The following LRRC8C variants were observed in gnomAD, a reference collection of about 807,000 sequenced individuals.
The protein encoded by LRRC8C is volume-regulated anion channel subunit LRRC8C.
In LRRC8C, 20 loss-of-function variants were observed where a neutral mutation model predicts 55.3. That is an observed-to-expected ratio of 0.36 (90% CI 0.25 to 0.53). LRRC8C has a LOEUF of 0.53. Ranked by LOEUF, LRRC8C falls within the 20% of genes least tolerant of loss-of-function variation. The pLI, the probability that LRRC8C is intolerant of heterozygous loss-of-function variation, is 0.92. For missense variants in LRRC8C, 659 were observed against 951.4 expected, an observed-to-expected ratio of 0.69 and a Z score of 4.04; for synonymous variants, 376 against 360.7, an observed-to-expected ratio of 1.04 and a Z score of -0.48.
chr1:89,654,468 G>T (rs574681514), intron 1 of LRRC8C, among the ~76,000 whole-genome samples: 1 of 152,290 alleles, frequency 6.6e-6, no homozygotes, highest in African/African-American at 2.4e-5. Context: ...CAAGTTGGCA[G>T]CTGGATATTT....
intron 2 of LRRC8C, among the ~76,000 whole-genome samples, chr1:89,698,855 C>T (rs866641612): frequency 1.3e-5 from 2 of 152,088 alleles, no homozygotes; most frequent in Admixed American, 6.5e-5. Flanking sequence ...GTTTTTCTCT[C>T]ACTTTACTAT....
intron 1 of LRRC8C, among the ~76,000 whole-genome samples, chr1:89,637,828 A>T (rs547278681): frequency 5.3e-5 from 8 of 152,042 alleles, no homozygotes; most frequent in East Asian, 1.9e-4. Flanking sequence ...AAAACCTTAG[A>T]CTCTCTACTT....
intron 1 of LRRC8C, among the ~76,000 whole-genome samples, chr1:89,669,233 AT>A (rs778788403): frequency 5.9e-5 from 9 of 152,100 alleles, no homozygotes; most frequent in Middle Eastern, 3.2e-3. Flanking sequence ...AAGTAGTCAA[AT>A]TAATAAAATC....
intron 1 of LRRC8C, among the ~76,000 whole-genome samples, chr1:89,659,055 TTTTTTTTGTGTGTGTGTGTG>T (rs1366020830): frequency 9.0e-6 from 1 of 110,934 alleles, no homozygotes; most frequent in Non-Finnish European, 1.9e-5. Context: ...CAGGTTTTTT[TTTTTTTTGTGTGTGTGTGTG>T]TGTGTGTGTG....
At chr1:89,708,255 T>G (rs1658543557) in intron 2 of LRRC8C, among the ~76,000 whole-genome samples, 1 of 152,164 alleles carries the variant, frequency 6.6e-6, no homozygotes, top group Non-Finnish European at 1.5e-5. Context: ...CTGCTGGTGA[T>G]GCACTGAACC....
intron 1 of LRRC8C, among the ~76,000 whole-genome samples, chr1:89,670,635 A>G (rs1175938819): frequency 6.6e-6 from 1 of 152,206 alleles, no homozygotes; most frequent in East Asian, 1.9e-4. Context: ...GAAAATATTG[A>G]ATATATAGAA....
At chr1:89,672,689 T>C (rs1166627558) in intron 1 of LRRC8C, among the ~76,000 whole-genome samples, 1 of 152,188 alleles carries the variant, frequency 6.6e-6, no homozygotes, top group African/African-American at 2.4e-5. Context: ...TTTCTCACGA[T>C]AATCCCAAGA....
At chr1:89,620,082 G>C in the LRRC8C span, among the ~76,000 whole-genome samples, 7 of 152,346 alleles carry the variant, frequency 4.6e-5, 1 homozygote, top group Middle Eastern at 0.014. Flanking sequence ...CAAGTCACCA[G>C]CAGATTTGGT....
intron 1 of LRRC8C, among the ~76,000 whole-genome samples, chr1:89,672,395 G>A (rs116730290): frequency 0.01 from 1,577 of 152,280 alleles, 43 homozygotes; most frequent in African/African-American, 0.036. Flanking sequence ...TCATGAAGAC[G>A]GGGATTATGT....
intron 2 of LRRC8C, among the ~76,000 whole-genome samples, chr1:89,702,592 A>T (rs945897188): frequency 4.0e-5 from 6 of 150,902 alleles, no homozygotes; most frequent in African/African-American, 9.9e-5. Flanking sequence ...ATTAAAAAAT[A>T]AAAAATAAAT....
chr1:89,661,433 A>G (rs1198352317), intron 1 of LRRC8C: 1 of 250,844 alleles, frequency 4.0e-6, no homozygotes, highest in African/African-American at 2.3e-5. Flanking sequence ...TGCTTCTTGG[A>G]CTGAGTGATG....
chr1:89,714,074 G>T lies in LRRC8C; in HGVS notation c.1504G>T (p.Asp502Tyr). 6.2e-7 allele frequency: 1 copy of T among 1,614,006 alleles called. No individual in the cohort carries two copies. Among genetic ancestry groups the T allele is most frequent in the Non-Finnish European group, 8.5e-7 (1 of 1,180,024 alleles). ...NLKVLSVKFD[D>Y]MRELPPWMYG... ...CAAGGTCTTGAGCGTCAAGTTTGATGACATGAGGGAACTCCCCCCCTGGAT... is the reference window on the plus strand; with the variant it reads ...CAAGGTCTTGAGCGTCAAGTTTGATTACATGAGGGAACTCCCCCCCTGGAT... Residue 502 changes from aspartate (D) to tyrosine (Y), a missense_variant, in exon 3 of 3, where the codon GAC (aspartate) becomes TAC (tyrosine). Transcript: ENST00000370454. This position sits in a 1 kb window ranked among gnomAD's most constrained non-coding sequence, Gnocchi z 4.6.
intron 2 of LRRC8C, among the ~76,000 whole-genome samples, chr1:89,694,639 G>GA (rs1347100661): frequency 2.1e-5 from 3 of 141,012 alleles, no homozygotes; most frequent in African/African-American, 8.1e-5. Flanking sequence ...ACCCAGGCTG[G>GA]AATGTGTGCA....
intron 2 of LRRC8C, among the ~76,000 whole-genome samples, chr1:89,691,348 G>T (rs898912224): frequency 2.6e-5 from 4 of 152,130 alleles, no homozygotes; most frequent in Non-Finnish European, 5.9e-5. Context: ...GACGCATGAA[G>T]GGGAAAACTC....
chr1:89,633,661 C>T (rs1656199550), intron 1 of LRRC8C, among the ~76,000 whole-genome samples: 1 of 152,170 alleles, frequency 6.6e-6, no homozygotes, highest in Non-Finnish European at 1.5e-5. Context: ...AGGGGAAATG[C>T]GTCCGTGGCC....
At chr1:89,658,727 A>G (rs1002481162) in intron 1 of LRRC8C, among the ~76,000 whole-genome samples, 2 of 152,208 alleles carry the variant, frequency 1.3e-5, no homozygotes, top group Admixed American at 6.5e-5. Flanking sequence ...GTTTCTTGAA[A>G]ATATGTATGT....
At chr1:89,662,195 A>G (rs1171130128) in intron 1 of LRRC8C, among the ~76,000 whole-genome samples, 2 of 152,240 alleles carry the variant, frequency 1.3e-5, no homozygotes, top group Non-Finnish European at 2.9e-5. Flanking sequence ...AGGAAAGGAA[A>G]GCTTGCAAAT....
intron 1 of LRRC8C, among the ~76,000 whole-genome samples, chr1:89,673,102 CT>C (rs1270251928): frequency 1.3e-5 from 2 of 152,034 alleles, no homozygotes; most frequent in Non-Finnish European, 2.9e-5. Context: ...GTTTTTTCTT[CT>C]TTCTTCCATA....
At chr1:89,663,505 G>C (rs1657171828) in intron 1 of LRRC8C, among the ~76,000 whole-genome samples, 1 of 151,292 alleles carries the variant, frequency 6.6e-6, no homozygotes, top group Non-Finnish European at 1.5e-5. Flanking sequence ...GGGAGGCAGA[G>C]CTTGCAGTGA....
Sources: allele counts gnomAD v4.1 joint callset (sites outside exome capture counted in the v4.1 genomes callset), GRCh38; gene constraint gnomAD v4.1.1; non-coding constraint Gnocchi (gnomAD v3.1); transcripts MANE v1.5; gene names NCBI Gene and HGNC (gene_info 2026-07-23, HGNC 2026-07-21).